Variants in ANXA11 observed in about 807,000 individuals in gnomAD.
The protein encoded by ANXA11 is 56 kDa autoantigen.
ANXA11 carries 57 observed loss-of-function variants against 64.7 expected under a neutral mutation model. The ratio of observed to expected loss-of-function variants is 0.88; its 90% CI spans 0.71 to 1.10. The LOEUF (loss-of-function observed/expected upper bound fraction) is 1.10, where lower values mean the gene tolerates loss of function less well. Among genes scored for constraint, ANXA11 ranks in the 50% least tolerant of loss-of-function variants. The pLI is 0.00. For missense variants in ANXA11, 675 were observed against 670.7 expected (o/e 1.01, Z -0.07); for synonymous variants, 260 against 265.2 (o/e 0.98, Z 0.19).
intron 13 of ANXA11, among the ~76,000 whole-genome samples, chr10:80,158,613 T>A (rs1845374302): frequency 6.6e-6 from 1 of 152,058 alleles, no homozygotes; most frequent in Non-Finnish European, 1.5e-5. Flanking sequence ...CTCTGCACAG[T>A]GGGAGGGCCC....
At chr10:80,199,521 G>A (rs545311832) in intron 1 of ANXA11, among the ~76,000 whole-genome samples, 1 of 152,204 alleles carries the variant, frequency 6.6e-6, no homozygotes, top group South Asian at 2.1e-4. Flanking sequence ...GGGCACAGTG[G>A]TTGGCTGGGT....
chr10:80,178,610 G>A (rs1487943400), intron 1 of ANXA11, among the ~76,000 whole-genome samples: 4 of 152,168 alleles, frequency 2.6e-5, no homozygotes, highest in Admixed American at 6.5e-5. Flanking sequence ...CAGTTAAATC[G>A]GTGCTTCTGG....
At position 80,173,242 on chromosome 10, in the gene ANXA11, C is replaced by T. The variant is rs11819544; in HGVS notation, c.-8-373G>A. 6.1e-3 allele frequency among the ~76,000 whole-genome samples: 933 copies of T among 152,374 alleles called. 13 individuals carry two copies. Among genetic ancestry groups the T allele is most frequent in the African/African-American group, 0.021 (883 of 41,586 alleles). ...CTCCCACCTCAGAGGTAGAGACGCA[C>T]TGCCTCATTCTCAGGACTCCAGGTC... On this transcript the variant is annotated intron_variant, in intron 2 of 15. Transcript: ENST00000422982.
chr10:80,188,793 AAAG>A (rs1846651356), intron 1 of ANXA11, among the ~76,000 whole-genome samples: 1 of 152,192 alleles, frequency 6.6e-6, no homozygotes, highest in Non-Finnish European at 1.5e-5. Context: ...CCTAGTGGCC[AAAG>A]AAGCCAGGCT....
intron 1 of ANXA11, among the ~76,000 whole-genome samples, chr10:80,191,184 C>T (rs1426783669): frequency 6.6e-6 from 1 of 151,790 alleles, no homozygotes; most frequent in Admixed American, 6.6e-5. Flanking sequence ...GAGATCATGC[C>T]ATTGCACTCC....
chr10:80,155,812 T>C lies in ANXA11; in HGVS notation c.*41A>G. ...TCTTTTGGCCTTTTCCTGGCACTGG[T>C]GTTGCCGGCAGGTGGGCAGAAGTGA... On this transcript the variant is annotated 3_prime_UTR_variant, in exon 16 of 16. Transcript: ENST00000422982. 6.3e-7 allele frequency: 1 copy of C among 1,585,208 alleles called. No individual in the cohort carries two copies. The highest frequency in any genetic ancestry group is 8.7e-7 in the Non-Finnish European group (1 of 1,154,114).
intron 1 of ANXA11, among the ~76,000 whole-genome samples, chr10:80,181,619 T>C (rs967187564): frequency 1.6e-4 from 25 of 152,220 alleles, no homozygotes; most frequent in African/African-American, 5.3e-4. Flanking sequence ...CCTTACGATT[T>C]AAAAAATAGG....
intron 1 of ANXA11, among the ~76,000 whole-genome samples, chr10:80,193,445 T>G (rs542781829): frequency 1.3e-5 from 2 of 152,312 alleles, no homozygotes; most frequent in East Asian, 3.9e-4. Flanking sequence ...GCTTTTTTCG[T>G]GTATTATTAT....
In ANXA11 at chr10:80,172,790, A is replaced by C. The variant is rs750084902; in HGVS notation, c.55+17T>G. On this transcript the variant is annotated intron_variant, in intron 3 of 15. Coordinates refer to ENST00000422982, the MANE Select transcript of ANXA11 (RefSeq NM_145868.2). ...AGAGGCAGCATTCACTCTCCTCCCC[A>C]CCCCAGACCCTCTTACCTGGTGCAG... The C allele has an allele frequency of 6.2e-7, 1 of 1,612,898 alleles. No homozygotes were observed. Among genetic ancestry groups the C allele is most frequent in the Admixed American group, 1.7e-5 (1 of 59,968 alleles).
chr10:80,191,865 A>T (rs114882911), intron 1 of ANXA11, among the ~76,000 whole-genome samples: 1,856 of 152,302 alleles, frequency 0.012, 50 homozygotes, highest in African/African-American at 0.042. Flanking sequence ...GAGACGACTC[A>T]GTTCACTCCC....
intron 1 of ANXA11, among the ~76,000 whole-genome samples, chr10:80,183,642 C>T (rs973344952): frequency 2.0e-5 from 3 of 152,218 alleles, no homozygotes; most frequent in African/African-American, 4.8e-5. Flanking sequence ...CATTGCAAAA[C>T]GTGTGCCACT....
chr10:80,155,380 T>C lies in ANXA11; in HGVS notation c.*473A>G, dbSNP rs2789686. 0.85 allele frequency: 131,983 copies of C among 156,018 alleles called. 56,354 individuals carry two copies. Among genetic ancestry groups the C allele is most frequent in the East Asian group, 1 (5,264 of 5,270 alleles). 9.7% of individuals were successfully genotyped at this position (156,018 alleles called of 1,614,324 possible). ...ACACTCACCAGATGCACAGGCTACCTTCTCAGGCACGCCTCCCTTTCTCTC... is the reference window on the plus strand; with the variant it reads ...ACACTCACCAGATGCACAGGCTACCCTCTCAGGCACGCCTCCCTTTCTCTC... On this transcript the variant is annotated 3_prime_UTR_variant, in exon 16 of 16. Transcript: ENST00000422982.
At chr10:80,167,350 A>G in intron 5 of ANXA11, 37 bp from the exon 6 acceptor site, 1 of 1,589,554 alleles carries the variant, frequency 6.3e-7, no homozygotes, top group Non-Finnish European at 8.6e-7. Context: ...GATGTCGTGC[A>G]TGCCGCCTTC....
At chr10:80,193,893 C>T (rs1846880361) in intron 1 of ANXA11, among the ~76,000 whole-genome samples, 3 of 151,796 alleles carry the variant, frequency 2.0e-5, no homozygotes, top group Admixed American at 6.6e-5. Flanking sequence ...CTCTGTCACC[C>T]AGGCTGGAAT....
In ANXA11 at chr10:80,187,545, GCACA is replaced by G. The variant is rs773152656; in HGVS notation, c.-57-11394_-57-11391del. On this transcript the variant is annotated intron_variant, in intron 1 of 15. Transcript: ENST00000422982. ...AGGATGCACGCGCATGTGCGCGCGT[GCACA>G]CACACACACACACACACACACTCTC... Among the ~76,000 whole-genome samples the G allele has an allele frequency of 3.3e-3, 500 of 150,622 alleles. 16 individuals carry two copies. Among genetic ancestry groups the G allele is most frequent in the South Asian group, 3.2e-3 (15 of 4,748 alleles).
At chr10:80,172,093 G>A (rs750175690) in intron 3 of ANXA11, among the ~76,000 whole-genome samples, 12 of 152,266 alleles carry the variant, frequency 7.9e-5, no homozygotes, top group Admixed American at 2.0e-4. Flanking sequence ...GAGGGGCAGC[G>A]GCTCAGGCAC....
intron 1 of ANXA11, among the ~76,000 whole-genome samples, chr10:80,188,086 A>G (rs1052338596): frequency 2.0e-5 from 3 of 151,862 alleles, no homozygotes; most frequent in African/African-American, 7.3e-5. Context: ...GGCTTTCACA[A>G]TGTCTACCCC....
rs1461407169 is a variant in ANXA11, at chr10:80,164,059, T to G, written c.943A>C (p.Lys315Gln). ...GCAGAGGGAGCGGCCTCACCTGCTT[T>G]GTAGGCTCTGTTTAATTCTCGGATG... ...EHIRELNRAYKAEFKKTLEEA... is the reference protein window; with the variant it reads ...EHIRELNRAYQAEFKKTLEEA... The change falls in exon 9 of 16, where the codon AAA (lysine) becomes CAA (glutamine). Residue 315 changes from lysine (K) to glutamine (Q), a missense_variant. Physicochemically the swap from Lys to Gln is moderately conservative, Grantham distance 53 (BLOSUM62 1). Transcript: ENST00000422982. The G allele has an allele frequency of 6.2e-7, 1 of 1,613,916 alleles. No individual in the cohort carries two copies. Among genetic ancestry groups the G allele is most frequent in the South Asian group, 1.1e-5 (1 of 91,066 alleles).
chr10:80,160,921 C>T (rs1279660538), intron 12 of ANXA11, among the ~76,000 whole-genome samples: 4 of 152,128 alleles, frequency 2.6e-5, no homozygotes, highest in Non-Finnish European at 4.4e-5. Context: ...CTCTCCCACA[C>T]GTCACGTGTC....
Sources: allele counts gnomAD v4.1 joint callset (sites outside exome capture counted in the v4.1 genomes callset), GRCh38; gene constraint gnomAD v4.1.1; transcripts MANE v1.5; gene names NCBI Gene and HGNC (gene_info 2026-07-23, HGNC 2026-07-21).